The following ASH1L variants were observed in gnomAD, a reference collection of about 807,000 sequenced individuals.
ASH1L encodes histone-lysine N-methyltransferase ASH1L.
In ASH1L, 23 loss-of-function variants were observed where a neutral mutation model predicts 269.0. That is an observed-to-expected ratio of 0.09 (90% CI 0.06 to 0.12). The LOEUF (loss-of-function observed/expected upper bound fraction) is 0.12, where lower values mean the gene tolerates loss of function less well. Among genes scored for constraint, ASH1L ranks in the 10% least tolerant of loss-of-function variants. The pLI, the probability that ASH1L is intolerant of heterozygous loss-of-function variation, is 1.00. For synonymous variants in ASH1L, 1,187 were observed against 1,253.5 expected, an observed-to-expected ratio of 0.95 and a Z score of 1.12; for missense variants, 2,912 against 3,567.8, an observed-to-expected ratio of 0.82 and a Z score of 4.68.
chr1:155,487,890 C>CT (rs755016145), intron 2 of ASH1L, among the ~76,000 whole-genome samples: 3,391 of 142,728 alleles, frequency 0.024, 118 homozygotes, highest in African/African-American at 0.078. Context: ...TGGTTTTTCA[C>CT]TTTTTTTTTT....
intron 17 of ASH1L, 107 bp from the exon 18 acceptor site, chr1:155,349,703 C>A: frequency 9.7e-6 from 7 of 724,396 alleles, no homozygotes; most frequent in Non-Finnish European, 1.5e-5. Context: ...AGAGAAAAAT[C>A]CAAGTCTTTT....
At chr1:155,512,787 G>C (rs199895420) in intron 2 of ASH1L, among the ~76,000 whole-genome samples, 1 of 151,560 alleles carries the variant, frequency 6.6e-6, no homozygotes. Flanking sequence ...TCACTGGCAC[G>C]GTGGCTGACA....
chr1:155,405,164 C>T (rs1659165652), intron 6 of ASH1L, among the ~76,000 whole-genome samples: 1 of 151,592 alleles, frequency 6.6e-6, no homozygotes, highest in Non-Finnish European at 1.5e-5. Flanking sequence ...AGCACCTGTA[C>T]ACTAAAAACT....
intron 1 of ASH1L, 88 bp from the exon 2 acceptor site, chr1:155,521,706 TCAA>T: frequency 2.1e-6 from 1 of 468,294 alleles, no homozygotes; most frequent in Non-Finnish European, 3.7e-6. Context: ...GACAAGGAGG[TCAA>T]CAACTACCCA....
chr1:155,395,588 G>T (rs1658275760), intron 6 of ASH1L, 35 bp from the exon 7 acceptor site: 2 of 1,536,248 alleles, frequency 1.3e-6, no homozygotes, highest in Non-Finnish European at 8.9e-7. Context: ...CAGTCAAGAG[G>T]CAAAGAAATT....
intron 12 of ASH1L, among the ~76,000 whole-genome samples, chr1:155,365,641 G>A (rs1655354537): frequency 6.6e-6 from 1 of 152,138 alleles, no homozygotes. Context: ...GGAGAAACTG[G>A]TTATTTTACC....
chr1:155,401,031 T>A (rs1269699229), intron 6 of ASH1L, among the ~76,000 whole-genome samples: 1 of 151,950 alleles, frequency 6.6e-6, no homozygotes, highest in African/African-American at 2.4e-5. Flanking sequence ...CGTAGTGGTG[T>A]ACGCCTCTAA....
intron 1 of ASH1L, among the ~76,000 whole-genome samples, chr1:155,522,969 G>A (rs1668990041): frequency 6.6e-6 from 1 of 152,188 alleles, no homozygotes. Flanking sequence ...GGGATTACAG[G>A]TGTGAGCCAC....
At position 155,343,673 on chromosome 1, in the gene ASH1L, C is replaced by G; in HGVS notation, c.8051G>C (p.Arg2684Pro). 1 of 1,614,104 alleles carries G rather than the reference C, an allele frequency of 6.2e-7. No individual in the cohort carries two copies. The highest frequency in any genetic ancestry group is 8.5e-7 in the Non-Finnish European group (1 of 1,180,016). The part of the protein sequence containing the change: ...PDGHPVRQSY[R>P]LLSHINRDKL... ...ATCTCGGTTAATGTGAGATAACAGT[C>G]GATAGGACTGACGGACCGGGTGGCC... The change falls in exon 23 of 28, where the codon CGA (arginine) becomes CCA (proline). Residue 2684 changes from arginine (R) to proline (P), a missense_variant. By Grantham distance (103) the Arg-to-Pro change is moderately radical. Around this residue, in one of 13 missense-constraint regions of ASH1L, gnomAD observed 179 missense variants for 293.8 expected, o/e 0.61. Transcript: ENST00000392403. This position sits in a 1 kb window ranked among gnomAD's most constrained non-coding sequence, Gnocchi z 6.1.
intron 20 of ASH1L, 83 bp from the exon 21 acceptor site, chr1:155,346,552 A>C: frequency 8.8e-7 from 1 of 1,137,410 alleles, no homozygotes; most frequent in Non-Finnish European, 1.3e-6. Flanking sequence ...AAAAATTAGC[A>C]ATAGGTCAGG....
chr1:155,551,654 C>A (rs1407565198), intron 1 of ASH1L, among the ~76,000 whole-genome samples: 8 of 132,942 alleles, frequency 6.0e-5, no homozygotes, highest in South Asian at 4.9e-4. Context: ...AGCGAGACTC[C>A]GTCTCAAAAA....
chr1:155,391,093 A>T (rs193180125), intron 7 of ASH1L, among the ~76,000 whole-genome samples: 1 of 151,884 alleles, frequency 6.6e-6, no homozygotes, highest in Non-Finnish European at 1.5e-5. Context: ...ATACAAGTGC[A>T]TGCCACCACA....
chr1:155,456,173 A>G (rs1663850562), intron 4 of ASH1L, among the ~76,000 whole-genome samples: 1 of 152,220 alleles, frequency 6.6e-6, no homozygotes, highest in Admixed American at 6.5e-5. Context: ...TTCAAAGTTC[A>G]GTCATACTGT....
In ASH1L at chr1:155,384,692, C is replaced by A. The variant is rs370568033; in HGVS notation, c.6104-4576G>T. Among the ~76,000 whole-genome samples, 97 of 152,096 alleles carry A rather than the reference C, an allele frequency of 6.4e-4. 3 individuals are homozygous for A. The South Asian group carries it at 0.019, about 30-fold the overall frequency. ...TACAGGAGCAACCTATCTCGCCCAGCCTAAAATTGTTTTGTTAGTGTACTG... is the reference window on the plus strand; with the variant it reads ...TACAGGAGCAACCTATCTCGCCCAGACTAAAATTGTTTTGTTAGTGTACTG... On this transcript the variant is annotated intron_variant, in intron 7 of 27. Coordinates refer to ENST00000392403, the MANE Select transcript of ASH1L (RefSeq NM_018489.3).
At position 155,562,679 on chromosome 1, in the gene ASH1L, G is replaced by A. The variant is rs1672109752; in HGVS notation, c.-626C>T. 6.6e-7 allele frequency: 1 copy of A among 1,520,992 alleles called. No homozygotes were observed. The allele number at this position is 1,520,992 out of a possible 1,614,324, so 94.2% of individuals were successfully genotyped here. ...CCACCTTCGGCCGCCCCGCGCGCCA[G>A]CCAGCCCGTACGCGCTCACCCACAG... On this transcript the variant is annotated 5_prime_UTR_variant, in exon 1 of 28. Coordinates refer to ENST00000392403, the MANE Select transcript of ASH1L (RefSeq NM_018489.3).
chr1:155,556,198 A>G (rs1479950060), intron 1 of ASH1L, among the ~76,000 whole-genome samples: 1 of 152,180 alleles, frequency 6.6e-6, no homozygotes, highest in Non-Finnish European at 1.5e-5. Context: ...CCTGGGCAAC[A>G]CAGTAAGACT....
At chr1:155,355,661 T>G (rs1409085157) in intron 15 of ASH1L, among the ~76,000 whole-genome samples, 1 of 152,196 alleles carries the variant, frequency 6.6e-6, no homozygotes, top group Non-Finnish European at 1.5e-5. Context: ...CCCATGCTAA[T>G]AGGCAGCCAA....
intron 7 of ASH1L, among the ~76,000 whole-genome samples, chr1:155,393,618 A>T (rs1051118976): frequency 1.3e-5 from 2 of 150,744 alleles, no homozygotes; most frequent in African/African-American, 4.9e-5. Flanking sequence ...GCAGTGGTGC[A>T]ATCTCGGCTC....
At chr1:155,451,921 A>G (rs1259591189) in intron 4 of ASH1L, among the ~76,000 whole-genome samples, 1 of 151,688 alleles carries the variant, frequency 6.6e-6, no homozygotes, top group Non-Finnish European at 1.5e-5. Context: ...GGGTCTCACC[A>G]TGTTGGCCAG....
Sources: gnomAD v4.1 joint callset for allele counts (sites outside exome capture counted in the v4.1 genomes callset) on GRCh38, gnomAD v4.1.1 for gene constraint, gnomAD v4.1.1 regional missense constraint, Gnocchi (gnomAD v3.1) non-coding constraint, MANE v1.5 for transcripts, NCBI Gene and HGNC (gene_info 2026-07-23, HGNC 2026-07-21) for gene names.